Variants in NETO2 observed in about 807,000 individuals in gnomAD.
NETO2 encodes neuropilin and tolloid like 2, also known as neuropilin and tolloid-like protein 2.
NETO2 carries 28 observed loss-of-function variants against 62.5 expected under a neutral mutation model. The observed-to-expected ratio is 0.45, with a 90% CI of 0.33 to 0.61. The LOEUF (loss-of-function observed/expected upper bound fraction) is 0.61. Among genes scored for constraint, NETO2 ranks in the 20% least tolerant of loss-of-function variants. The pLI is 0.02. For synonymous variants in NETO2, 214 were observed against 219.1 expected (o/e 0.98, Z 0.21); for missense variants, 548 against 643.2 (o/e 0.85, Z 1.60).
chr16:47,138,509 A>T (rs1234570532), intron 1 of NETO2, among the ~76,000 whole-genome samples: 1 of 152,248 alleles, frequency 6.6e-6, no homozygotes, highest in East Asian at 1.9e-4. Context: ...TTTTCTACTT[A>T]TATCTAACTG....
At position 47,094,408 on chromosome 16, in the gene NETO2, TTTATTTAC is replaced by T. The variant is rs201626311; in HGVS notation, c.884-8077_884-8070del. On this transcript the variant is annotated intron_variant, in intron 7 of 8. Transcript: ENST00000562435. ...GGAACCTAAAGGAAGGTTTGTTTTA[TTTATTTAC>T]TTATTTATTTATTTATTTATTTATT... 8.3e-3 allele frequency among the ~76,000 whole-genome samples: 1,255 copies of T among 151,700 alleles called. 24 individuals carry two copies. Among genetic ancestry groups the T allele is most frequent in the African/African-American group, 0.029 (1,200 of 41,214 alleles).
chr16:47,118,943 A>C (rs1223719074), intron 6 of NETO2, among the ~76,000 whole-genome samples: 2 of 152,112 alleles, frequency 1.3e-5, no homozygotes, highest in African/African-American at 4.8e-5. Context: ...TTCAATCAGT[A>C]AGTTCACTTG....
At chr16:47,120,125 GTT>G (rs1444726070) in intron 6 of NETO2, among the ~76,000 whole-genome samples, 1 of 152,130 alleles carries the variant, frequency 6.6e-6, no homozygotes, top group African/African-American at 2.4e-5. Flanking sequence ...TCAACAACCT[GTT>G]TTGTGCATTT....
At chr16:47,084,289 G>A (rs148364266) in intron 8 of NETO2, among the ~76,000 whole-genome samples, 385 of 152,236 alleles carry the variant, frequency 2.5e-3, no homozygotes, top group Middle Eastern at 0.02. Context: ...ACTTCATGTC[G>A]AGTATTTACG....
intron 2 of NETO2, 73 bp from the exon 3 acceptor site, chr16:47,129,437 T>C: frequency 6.8e-7 from 1 of 1,473,416 alleles, no homozygotes; most frequent in Non-Finnish European, 9.4e-7. Context: ...CCCACCACTT[T>C]CCAAACGATT....
intron 1 of NETO2, among the ~76,000 whole-genome samples, chr16:47,138,027 A>G (rs1383764905): frequency 3.3e-5 from 5 of 152,168 alleles, no homozygotes; most frequent in Non-Finnish European, 7.4e-5. Context: ...CAGCTATTCT[A>G]TCTTCATTAT....
At chr16:47,143,352 C>T (rs1420760704) in intron 1 of NETO2, among the ~76,000 whole-genome samples, 3 of 151,980 alleles carry the variant, frequency 2.0e-5, no homozygotes, top group Admixed American at 6.6e-5. Context: ...ACGCGCCCCG[C>T]GAACGTCGGC....
At chr16:47,128,803 T>C (rs1334490292) in intron 3 of NETO2, among the ~76,000 whole-genome samples, 1 of 152,218 alleles carries the variant, frequency 6.6e-6, no homozygotes, top group Non-Finnish European at 1.5e-5. Flanking sequence ...CTAAATTAAA[T>C]ATTTTTGAGT....
intron 7 of NETO2, among the ~76,000 whole-genome samples, chr16:47,090,915 C>T (rs1963298469): frequency 6.6e-6 from 1 of 152,178 alleles, no homozygotes; most frequent in South Asian, 2.1e-4. Context: ...TAGGCATGAA[C>T]TGAATCTCTC....
rs184292565 is a variant in NETO2 at position 47,106,541 on chromosome 16, T to C, written c.883+2942A>G. Among the ~76,000 whole-genome samples, 262 of 152,238 alleles carry C rather than the reference T, an allele frequency of 1.7e-3. 1 individual carries two copies. The highest frequency in any genetic ancestry group is 3.4e-3 in the Middle Eastern group (1 of 294). On this transcript the variant is annotated intron_variant, in intron 7 of 8. Transcript: ENST00000562435. The stretch of plus-strand genomic sequence containing the variant: ...CAATATCTAACGAAATTACACAACT[T>C]TTTAAACCAAACAATCCCACTTCTA...
chr16:47,137,912 GA>G (rs1015733643), intron 1 of NETO2, among the ~76,000 whole-genome samples: 44 of 152,316 alleles, frequency 2.9e-4, no homozygotes, highest in Non-Finnish European at 4.9e-4. Flanking sequence ...GCATCAGAGT[GA>G]AGGCTCTATA....
intron 7 of NETO2, among the ~76,000 whole-genome samples, chr16:47,102,439 G>A (rs910189293): frequency 2.6e-5 from 4 of 152,032 alleles, no homozygotes; most frequent in Non-Finnish European, 4.4e-5. Flanking sequence ...ATTGACAAAT[G>A]GATCTAACTA....
intron 4 of NETO2, among the ~76,000 whole-genome samples, chr16:47,124,995 C>T (rs1304285129): frequency 6.6e-6 from 1 of 151,010 alleles, no homozygotes; most frequent in African/African-American, 2.5e-5. Context: ...GGAAAAAGAG[C>T]TACTTGACTC....
At chr16:47,132,793 G>A (rs1030683220) in intron 1 of NETO2, among the ~76,000 whole-genome samples, 3 of 152,276 alleles carry the variant, frequency 2.0e-5, no homozygotes, top group East Asian at 1.9e-4. Context: ...ACTGAAGAGC[G>A]GGCACCAAGG....
intron 2 of NETO2, among the ~76,000 whole-genome samples, chr16:47,131,256 T>C (rs775912754): frequency 2.6e-5 from 4 of 152,094 alleles, no homozygotes; most frequent in Non-Finnish European, 4.4e-5. Context: ...AAGAGCTAAA[T>C]TCTCATCTTC....
At chr16:47,143,071 A>G (rs1964496766) in intron 1 of NETO2, among the ~76,000 whole-genome samples, 1 of 151,942 alleles carries the variant, frequency 6.6e-6, no homozygotes, top group African/African-American at 2.4e-5. Flanking sequence ...CTGGCCCAGC[A>G]GGCCCCGTTC....
chr16:47,135,647 C>T (rs892040176), intron 1 of NETO2, among the ~76,000 whole-genome samples: 1 of 151,992 alleles, frequency 6.6e-6, no homozygotes, highest in Non-Finnish European at 1.5e-5. Context: ...CAAAGCCACT[C>T]CCTTTATTCC....
intron 7 of NETO2, among the ~76,000 whole-genome samples, chr16:47,097,476 C>A (rs1963451546): frequency 6.6e-6 from 1 of 152,246 alleles, no homozygotes; most frequent in Non-Finnish European, 1.5e-5. Flanking sequence ...TCTCTAGATT[C>A]CTCCTCTCTG....
Position 47,078,630 on chromosome 16 carries a change from T to A in NETO2, c.*4591A>T, listed in dbSNP as rs1019895027. The A allele has an allele frequency of 6.6e-6, 1 of 152,238 alleles. No individual in the cohort carries two copies. Among genetic ancestry groups the A allele is most frequent in the Non-Finnish European group, 1.5e-5 (1 of 68,038 alleles). The allele number at this position is 152,238 out of a possible 1,614,324, so 9.4% of individuals were successfully genotyped here. On this transcript the variant is annotated 3_prime_UTR_variant, in exon 9 of 9. Transcript: ENST00000562435. ...CAGAAAACTAAAATATCCAAGATAA[T>A]CTTGTTATTTACAGTAACTCAAACT...
Sources: gnomAD v4.1 joint callset for allele counts (sites outside exome capture counted in the v4.1 genomes callset) on GRCh38, gnomAD v4.1.1 for gene constraint, MANE v1.5 for transcripts, NCBI Gene and HGNC (gene_info 2026-07-23, HGNC 2026-07-21) for gene names.